ESRP1: variants seen among roughly 807,000 people sequenced by gnomAD.
ESRP1 encodes RNA-binding motif protein 35A.
Under a neutral mutation model 81.7 loss-of-function variants are expected in ESRP1, and 33 were observed. The ratio of observed to expected loss-of-function variants is 0.40; its 90% CI spans 0.31 to 0.54. ESRP1 has a LOEUF of 0.54. Among genes scored for constraint, ESRP1 ranks in the 20% least tolerant of loss-of-function variants. The pLI is 0.41. For synonymous variants in ESRP1, 320 were observed against 303.3 expected (o/e 1.06, Z -0.57); for missense variants, 672 against 833.1 (o/e 0.81, Z 2.38).
At chr8:94,642,444 G>A (rs542338892) in intron 2 of ESRP1, among the ~76,000 whole-genome samples, 1 of 152,270 alleles carries the variant, frequency 6.6e-6, no homozygotes, top group Non-Finnish European at 1.5e-5. Flanking sequence ...CCCCTGCGGG[G>A]TTTGGGCCCA....
Position 94,671,516 on chromosome 8 carries a change from C to A in ESRP1, c.1297C>A (p.Leu433Ile), listed in dbSNP as rs1819324647. The change falls in exon 11 of 16, where the codon CTA (leucine) becomes ATA (isoleucine). Residue 433 changes from leucine to isoleucine, a missense_variant. Physicochemically the swap from Leu to Ile is conservative, Grantham distance 5. Coordinates refer to ENST00000433389, the MANE Select transcript of ESRP1 (RefSeq NM_017697.4). ...TCCAACCCCTCCCATTATTCCAGTACTACCTCAGCAATTTGTGCCCCCTAC... is the reference window on the plus strand; with the variant it reads ...TCCAACCCCTCCCATTATTCCAGTAATACCTCAGCAATTTGTGCCCCCTAC... ...PLPTPPIIPV[L>I]PQQFVPPTNV... 1.2e-6 allele frequency: 2 copies of A among 1,613,902 alleles called. No homozygotes were observed. The highest frequency in any genetic ancestry group is 1.7e-6 in the Non-Finnish European group (2 of 1,179,864).
intron 6 of ESRP1, among the ~76,000 whole-genome samples, chr8:94,664,144 G>A (rs953552886): frequency 5.7e-4 from 45 of 78,802 alleles, no homozygotes; most frequent in Non-Finnish European, 1.0e-3. Context: ...TTTTTTTTGA[G>A]AGGGAGTCTT....
At chr8:94,647,274 G>A (rs1817899383) in intron 4 of ESRP1, among the ~76,000 whole-genome samples, 1 of 152,182 alleles carries the variant, frequency 6.6e-6, no homozygotes, top group Non-Finnish European at 1.5e-5. Context: ...GTTGGGAAGA[G>A]GGTGGAATAA....
At chr8:94,684,612 T>C (rs996536993) in intron 13 of ESRP1, among the ~76,000 whole-genome samples, 2 of 152,170 alleles carry the variant, frequency 1.3e-5, no homozygotes, top group African/African-American at 4.8e-5. Context: ...TACAAAGCAG[T>C]GATAATTAGA....
chr8:94,642,398 C>T (rs1212079273), intron 2 of ESRP1, among the ~76,000 whole-genome samples: 3 of 152,238 alleles, frequency 2.0e-5, no homozygotes, highest in Non-Finnish European at 4.4e-5. Context: ...AATCCTAGCG[C>T]CCCCATCTCC....
At chr8:94,643,623 A>T (rs1258269427) in intron 3 of ESRP1, among the ~76,000 whole-genome samples, 1 of 152,224 alleles carries the variant, frequency 6.6e-6, no homozygotes, top group African/African-American at 2.4e-5. Context: ...TAATGTACTT[A>T]ATGTTTTACT....
intron 14 of ESRP1, 57 bp from the exon 15 acceptor site, chr8:94,696,795 A>T (rs1347850501): frequency 1.5e-6 from 2 of 1,314,386 alleles, no homozygotes; most frequent in Non-Finnish European, 2.1e-6. Context: ...CTGAAATATT[A>T]TCCATAGTGA....
At position 94,671,484 on chromosome 8, in the gene ESRP1, T is replaced by A; in HGVS notation, c.1265T>A (p.Ile422Asn). ...VLNRFSSAPL[I>N]PLPTPPIIPV... ...AATCGATTCTCCTCGGCCCCTCTCA[T>A]TCCACTTCCAACCCCTCCCATTATT... The change falls in exon 11 of 16, where the codon ATT (isoleucine) becomes AAT (asparagine). Residue 422 changes from isoleucine to asparagine, a missense_variant. Physicochemically the swap from Ile to Asn is moderately radical, Grantham distance 149. Coordinates refer to ENST00000433389, the MANE Select transcript of ESRP1 (RefSeq NM_017697.4). 6.2e-7 allele frequency: 1 copy of A among 1,613,716 alleles called. No individual in the cohort carries two copies. Among genetic ancestry groups the A allele is most frequent in the Non-Finnish European group, 8.5e-7 (1 of 1,179,734 alleles).
intron 12 of ESRP1, among the ~76,000 whole-genome samples, chr8:94,676,293 A>G (rs1270343686): frequency 6.7e-6 from 1 of 149,112 alleles, no homozygotes; most frequent in East Asian, 2.0e-4. Context: ...CGGAGGTTGC[A>G]GTGAGCTGAG....
chr8:94,671,367 G>A lies in ESRP1; in HGVS notation c.1234-86G>A, dbSNP rs1399711936. On this transcript the variant is annotated intron_variant, in intron 10 of 15. Transcript: ENST00000433389. ...GTGAGCTGGATTCTGCATTTCTAAC[G>A]AGCTTCCCAGTGATGCCATTGCTGA... is the stretch of plus-strand genomic sequence containing the variant. 5.4e-6 allele frequency: 6 copies of A among 1,114,848 alleles called. No individual in the cohort carries two copies. The African/African-American group carries it at 6.3e-5, about 12-fold the overall frequency. 69.1% of individuals were successfully genotyped at this position (1,114,848 alleles called of 1,614,324 possible).
rs567584019 is a variant in ESRP1, at chr8:94,684,010, G to C, written c.1820+5639G>C. On this transcript the variant is annotated intron_variant, in intron 13 of 15. Transcript: ENST00000433389. ...TTACAGGCATGCACCACCATGCCCA[G>C]CTAATTTTGTATTTTTGGTAGAGAT... Among the ~76,000 whole-genome samples, 7 of 152,264 alleles carry C rather than the reference G, an allele frequency of 4.6e-5. No homozygotes were observed. The South Asian group carries it at 1.2e-3, about 27-fold the overall frequency.
Position 94,664,804 on chromosome 8 carries a change from C to G in ESRP1, c.752C>G (p.Ala251Gly), listed in dbSNP as rs1430143230. The G allele has an allele frequency of 6.2e-7, 1 of 1,613,244 alleles. No individual in the cohort carries two copies. ...IARFFKGLNI[A>G]KGGAALCLNA... ...AGATTCTTCAAAGGACTCAATATTGCCAAGTTGGTTTTCTTAAATATCTAT... is the reference window on the plus strand; with the variant it reads ...AGATTCTTCAAAGGACTCAATATTGGCAAGTTGGTTTTCTTAAATATCTAT... The change falls in exon 7 of 16, where the codon GCC (alanine) becomes GGC (glycine). Residue 251 changes from alanine to glycine, a missense_variant. Ala to Gly is a moderately conservative substitution (Grantham distance 60). Transcript: ENST00000433389.
intron 6 of ESRP1, among the ~76,000 whole-genome samples, chr8:94,662,798 T>C (rs1189561073): frequency 2.6e-5 from 4 of 152,068 alleles, no homozygotes; most frequent in African/African-American, 7.2e-5. Flanking sequence ...TTAGTAGAGA[T>C]GGGGTTTCAC....
At position 94,641,970 on chromosome 8, in the gene ESRP1, C is replaced by G. The variant is rs377762593; in HGVS notation, c.147C>G (p.His49Gln). ...DLANKKVGQL[H>Q]EVLVRPDQLE... ...TACCTTCGGAGGTGGGACAGTTGCACGAAGTGCTAGTTAGACCGGATCAGT... is the reference window on the plus strand; with the variant it reads ...TACCTTCGGAGGTGGGACAGTTGCAGGAAGTGCTAGTTAGACCGGATCAGT... Residue 49 changes from histidine to glutamine, a missense_variant, in exon 2 of 16, where the codon CAC (histidine) becomes CAG (glutamine). Physicochemically the swap from His to Gln is conservative, Grantham distance 24. Transcript: ENST00000433389. 1.2e-6 allele frequency: 2 copies of G among 1,613,862 alleles called. No individual in the cohort carries two copies. The highest frequency in any genetic ancestry group is 2.2e-5 in the East Asian group (1 of 44,868).
At chr8:94,666,385 A>G (rs1401840244) in intron 9 of ESRP1, among the ~76,000 whole-genome samples, 1 of 152,228 alleles carries the variant, frequency 6.6e-6, no homozygotes, top group Non-Finnish European at 1.5e-5. Flanking sequence ...CCTGTTGAGC[A>G]TTTAGAACTC....
intron 10 of ESRP1, among the ~76,000 whole-genome samples, chr8:94,670,417 A>G (rs1248296279): frequency 1.3e-5 from 2 of 151,544 alleles, no homozygotes. Flanking sequence ...TCTCTTTTTC[A>G]TGCCGTTTCT....
intron 4 of ESRP1, among the ~76,000 whole-genome samples, chr8:94,658,636 G>A (rs1818558449): frequency 6.6e-6 from 1 of 152,082 alleles, no homozygotes; most frequent in Admixed American, 6.5e-5. Context: ...AGCTTAATTT[G>A]AATGGAATAT....
intron 1 of ESRP1, chr8:94,641,704 G>C: frequency 1.4e-6 from 1 of 738,786 alleles, no homozygotes; most frequent in South Asian, 2.2e-5. Flanking sequence ...TGCCCGTCGG[G>C]GGACGCTCCG....
At chr8:94,704,682 G>GC (rs988930530) in intron 15 of ESRP1, among the ~76,000 whole-genome samples, 1 of 147,934 alleles carries the variant, frequency 6.8e-6, no homozygotes, top group African/African-American at 2.5e-5. Flanking sequence ...GATACCTTGA[G>GC]CCCAGGAATT....
Sources: gnomAD v4.1 joint callset for allele counts (sites outside exome capture counted in the v4.1 genomes callset) on GRCh38, gnomAD v4.1.1 for gene constraint, MANE v1.5 for transcripts, NCBI Gene and HGNC (gene_info 2026-07-23, HGNC 2026-07-21) for gene names.